The following SHANK2 variants were observed in gnomAD, a reference collection of about 807,000 sequenced individuals.
SHANK2 encodes the protein SH3 and multiple ankyrin repeat domains protein 2.
A neutral mutation model predicts 133.7 loss-of-function variants in SHANK2; 43 were observed. The observed-to-expected ratio is 0.32, with a 90% CI of 0.25 to 0.41. The LOEUF (loss-of-function observed/expected upper bound fraction) is 0.41, where lower values mean the gene tolerates loss of function less well. SHANK2 is among the 10% of genes least tolerant of loss of function. The probability of loss-of-function intolerance (pLI) is 1.00; values close to 1 mark genes in which losing one functional copy is unlikely to be tolerated. For missense variants in SHANK2, 1,994 were observed against 2,235.8 expected, an observed-to-expected ratio of 0.89 and a Z score of 2.18; for synonymous variants, 1,017 against 952.8, an observed-to-expected ratio of 1.07 and a Z score of -1.24.
intron 2 of SHANK2, among the ~76,000 whole-genome samples, chr11:71,204,645 G>A (rs1456618749): frequency 6.6e-6 from 1 of 152,162 alleles, no homozygotes; most frequent in Non-Finnish European, 1.5e-5. Flanking sequence ...CTGAGAACAG[G>A]GTCCCCTCGA....
upstream of SHANK2, among the ~76,000 whole-genome samples, chr11:71,252,950 CCA>C (rs1948213083): frequency 6.6e-6 from 1 of 152,236 alleles, no homozygotes; most frequent in Non-Finnish European, 1.5e-5. This position sits in a 1 kb window ranked among gnomAD's most constrained non-coding sequence, Gnocchi z 6.3. Context: ...CTGGCTCCCG[CCA>C]CAGAGTATTT....
chr11:70,482,252 T>C (rs1482576629), intron 25 of SHANK2, among the ~76,000 whole-genome samples: 1 of 152,234 alleles, frequency 6.6e-6, no homozygotes, highest in African/African-American at 2.4e-5. Flanking sequence ...CTCTGGGAGC[T>C]TGGCAGTGCC....
At chr11:71,129,379 G>A (rs1220929139) in intron 3 of SHANK2, among the ~76,000 whole-genome samples, 3 of 152,030 alleles carry the variant, frequency 2.0e-5, no homozygotes, top group African/African-American at 7.3e-5. Context: ...CTGTTGAACA[G>A]AGTGATACAT....
At chr11:70,737,248 C>T (rs948021301) in intron 14 of SHANK2, among the ~76,000 whole-genome samples, 17 of 152,138 alleles carry the variant, frequency 1.1e-4, no homozygotes, top group African/African-American at 3.9e-4. Context: ...AGCCATGTGG[C>T]GCATCCTCCC....
intron 17 of SHANK2, among the ~76,000 whole-genome samples, chr11:70,553,610 C>T (rs10751248): frequency 0.78 from 118,843 of 152,116 alleles, 46,941 homozygotes; most frequent in Middle Eastern, 0.89. Context: ...TGCAGTGGGA[C>T]GCACGTCAAT....
At chr11:70,653,209 G>A (rs966775601) in intron 17 of SHANK2, among the ~76,000 whole-genome samples, 1 of 152,030 alleles carries the variant, frequency 6.6e-6, no homozygotes, top group East Asian at 1.9e-4. Context: ...TCCTGACCTC[G>A]TGATCCGCCT....
intron 6 of SHANK2, among the ~76,000 whole-genome samples, chr11:71,105,611 A>AAG (rs1951790911): frequency 6.7e-6 from 1 of 149,584 alleles, no homozygotes; most frequent in Admixed American, 6.6e-5. Context: ...AAAAAAAAAA[A>AAG]AAAGAAAGGG....
chr11:70,720,354 T>G (rs1412118510), intron 14 of SHANK2, among the ~76,000 whole-genome samples: 2 of 152,034 alleles, frequency 1.3e-5, no homozygotes, highest in African/African-American at 2.4e-5. Context: ...GAGCCTGGGG[T>G]CTGGTGTCCA....
chr11:71,139,228 G>A (rs1555105335), intron 3 of SHANK2, among the ~76,000 whole-genome samples: 1 of 152,066 alleles, frequency 6.6e-6, no homozygotes, highest in South Asian at 2.1e-4. Context: ...TCGGTGCCAG[G>A]CCTCAGGGAG....
chr11:71,072,547 C>T (rs1050618393), intron 9 of SHANK2, among the ~76,000 whole-genome samples: 3 of 152,116 alleles, frequency 2.0e-5, no homozygotes, highest in Admixed American at 6.5e-5. Context: ...CATTTTTCCC[C>T]GAAAGAAATG....
chr11:70,750,224 A>G (rs1946725117), intron 14 of SHANK2, among the ~76,000 whole-genome samples: 1 of 152,242 alleles, frequency 6.6e-6, no homozygotes, highest in Admixed American at 6.5e-5. Context: ...GTAGCCTGAA[A>G]GCCACATGTG....
intron 14 of SHANK2, among the ~76,000 whole-genome samples, chr11:70,741,244 C>T (rs1807138023): frequency 6.9e-6 from 1 of 144,414 alleles, no homozygotes. Flanking sequence ...TCCATCCATC[C>T]ATCCATCCAT....
chr11:70,684,059 C>T (rs942341198), intron 15 of SHANK2, among the ~76,000 whole-genome samples: 1 of 152,154 alleles, frequency 6.6e-6, no homozygotes, highest in Admixed American at 6.5e-5. Flanking sequence ...GCTGAGATGA[C>T]AGGCGTGAGC....
chr11:70,661,280 T>A (rs2061483808), intron 16 of SHANK2, among the ~76,000 whole-genome samples: 1 of 151,874 alleles, frequency 6.6e-6, no homozygotes, highest in Non-Finnish European at 1.5e-5. Flanking sequence ...GACCACCCCA[T>A]CATTTAAAAA....
At chr11:70,746,130 G>A (rs1363562088) in intron 14 of SHANK2, among the ~76,000 whole-genome samples, 1 of 152,224 alleles carries the variant, frequency 6.6e-6, no homozygotes, top group Non-Finnish European at 1.5e-5. Flanking sequence ...ACGCTTCAAA[G>A]GTGACTCTGA....
At chr11:70,482,562 G>A (rs782732894) in intron 25 of SHANK2, among the ~76,000 whole-genome samples, 3 of 152,220 alleles carry the variant, frequency 2.0e-5, no homozygotes, top group Non-Finnish European at 2.9e-5. Context: ...TAGCTTCACC[G>A]CCCTGCCTTC....
chr11:70,636,783 CAT>C (rs1491104634), intron 17 of SHANK2, among the ~76,000 whole-genome samples: 1 of 151,054 alleles, frequency 6.6e-6, no homozygotes, highest in Non-Finnish European at 1.5e-5. Flanking sequence ...TCTGTGTGAG[CAT>C]GTGTGAGCGT....
intron 10 of SHANK2, among the ~76,000 whole-genome samples, chr11:70,940,470 G>A (rs1249115223): frequency 6.6e-6 from 1 of 151,742 alleles, no homozygotes; most frequent in Non-Finnish European, 1.5e-5. Context: ...GGCCAGGCTG[G>A]TCTTGAACTC....
chr11:70,898,307 C>G (rs998968271), intron 10 of SHANK2, among the ~76,000 whole-genome samples: 1 of 149,292 alleles, frequency 6.7e-6, no homozygotes, highest in South Asian at 2.1e-4. Context: ...CACACACACA[C>G]ACACATATAT....
Sources: allele counts gnomAD v4.1 joint callset (sites outside exome capture counted in the v4.1 genomes callset), GRCh38; gene constraint gnomAD v4.1.1; non-coding constraint Gnocchi (gnomAD v3.1); transcripts MANE v1.5; gene names NCBI Gene and HGNC (gene_info 2026-07-23, HGNC 2026-07-21).